Variants in HECW1 observed in about 807,000 individuals in gnomAD.
HECW1 encodes HECT, C2 and WW domain containing E3 ubiquitin protein ligase 1.
HECW1 carries 61 observed loss-of-function variants against 182.3 expected under a neutral mutation model. The observed-to-expected ratio is 0.33, with a 90% confidence interval of 0.27 to 0.41. HECW1 has a LOEUF of 0.41. Ranked by LOEUF, HECW1 falls within the 10% of genes least tolerant of loss-of-function variation. The probability of loss-of-function intolerance (pLI) is 1.00; values close to 1 mark genes in which losing one functional copy is unlikely to be tolerated. For synonymous variants in HECW1, 859 were observed against 832.6 expected, an observed-to-expected ratio of 1.03 and a Z score of -0.55; for missense variants, 1,739 against 2,108.9, an observed-to-expected ratio of 0.82 and a Z score of 3.44.
In HECW1 at chr7:43,296,179, A is replaced by G. The variant is rs180947978; in HGVS notation, c.28-15584A>G. Among the ~76,000 whole-genome samples the G allele has an allele frequency of 7.6e-4, 116 of 152,336 alleles. No homozygotes were observed. In the Middle Eastern group the frequency reaches 0.01, roughly 13 times the overall value. ...ACCATTTAAAAAAGCAGAATACAAA[A>G]ATGTGTGGTCCCAACTATCTTGTAA... On this transcript the variant is annotated intron_variant, in intron 3 of 29. Coordinates refer to ENST00000395891, the MANE Select transcript of HECW1 (RefSeq NM_015052.5).
intron 24 of HECW1, among the ~76,000 whole-genome samples, chr7:43,536,421 T>TG (rs528717235): frequency 2.4e-3 from 364 of 152,210 alleles, no homozygotes; most frequent in African/African-American, 8.3e-3. Context: ...GTGGCTAGAA[T>TG]GGGGAAAAGG....
chr7:43,399,638 G>A (rs1162473553), intron 7 of HECW1, among the ~76,000 whole-genome samples: 1 of 152,102 alleles, frequency 6.6e-6, no homozygotes, highest in African/African-American at 2.4e-5. Flanking sequence ...GAAGACATGG[G>A]CTCACAGACC....
At chr7:43,198,394 A>C (rs1281184184) in intron 2 of HECW1, among the ~76,000 whole-genome samples, 1 of 142,482 alleles carries the variant, frequency 7.0e-6, no homozygotes, top group East Asian at 2.2e-4. Flanking sequence ...ACACACACTC[A>C]TCAGTCACAC....
At chr7:43,346,131 G>C (rs1351949012) in intron 5 of HECW1, among the ~76,000 whole-genome samples, 2 of 151,940 alleles carry the variant, frequency 1.3e-5, no homozygotes, top group African/African-American at 4.8e-5. Context: ...AGTGTTCCCT[G>C]TTCACCACAT....
intron 2 of HECW1, among the ~76,000 whole-genome samples, chr7:43,188,812 A>T (rs1274263345): frequency 6.6e-6 from 1 of 152,234 alleles, no homozygotes; most frequent in Non-Finnish European, 1.5e-5. Flanking sequence ...AACTGGGGAT[A>T]CTTGGCCAAC....
intron 24 of HECW1, among the ~76,000 whole-genome samples, chr7:43,527,779 A>G (rs1398326753): frequency 6.6e-6 from 1 of 152,206 alleles, no homozygotes; most frequent in Non-Finnish European, 1.5e-5. Context: ...AGAATACACC[A>G]GATTTTGATA....
intron 24 of HECW1, among the ~76,000 whole-genome samples, chr7:43,525,758 T>C (rs1440223290): frequency 1.3e-5 from 2 of 152,178 alleles, no homozygotes; most frequent in African/African-American, 4.8e-5. Context: ...GGAATCACTA[T>C]AGACCTCTAG....
intron 19 of HECW1, among the ~76,000 whole-genome samples, chr7:43,496,610 C>T (rs757467437): frequency 5.9e-5 from 9 of 152,180 alleles, no homozygotes; most frequent in Non-Finnish European, 1.2e-4. Flanking sequence ...GGACCCCACC[C>T]AGAAGAACTC....
chr7:43,197,145 A>G (rs190680065), intron 2 of HECW1, among the ~76,000 whole-genome samples: 351 of 152,360 alleles, frequency 2.3e-3, no homozygotes, highest in African/African-American at 8.0e-3. Context: ...GTAATCCAAA[A>G]GAGAATTTAT....
Position 43,342,243 on chromosome 7 carries a change from G to A in HECW1, c.461-18643G>A, listed in dbSNP as rs539455034. On this transcript the variant is annotated intron_variant, in intron 5 of 29. Transcript: ENST00000395891. Reference sequence around the variant, plus strand: ...ACTTAGAGTGGAATCATCAATGTTAGATGCCTCGTCAATGAACATTATTTC... The same window carrying A: ...ACTTAGAGTGGAATCATCAATGTTAAATGCCTCGTCAATGAACATTATTTC... Among the ~76,000 whole-genome samples, 38 of 151,872 alleles carry A rather than the reference G, an allele frequency of 2.5e-4. 1 individual carries two copies. Among genetic ancestry groups the A allele is most frequent in the African/African-American group, 8.7e-4 (36 of 41,186 alleles).
chr7:43,349,596 A>G (rs960545913), intron 5 of HECW1, among the ~76,000 whole-genome samples: 2 of 152,122 alleles, frequency 1.3e-5, no homozygotes, highest in African/African-American at 4.8e-5. Flanking sequence ...AAGGTCTTTT[A>G]CCCTTACATA....
chr7:43,381,544 A>G (rs2074549097), intron 6 of HECW1, among the ~76,000 whole-genome samples: 1 of 148,140 alleles, frequency 6.8e-6, no homozygotes, highest in Non-Finnish European at 1.5e-5. Flanking sequence ...GCTGGAGTGC[A>G]GTGGTGCGAT....
chr7:43,305,086 T>A (rs1016681484), intron 3 of HECW1, among the ~76,000 whole-genome samples: 1 of 152,200 alleles, frequency 6.6e-6, no homozygotes, highest in African/African-American at 2.4e-5. Flanking sequence ...CTGAGCCAGG[T>A]AGACTTTGGA....
intron 3 of HECW1, among the ~76,000 whole-genome samples, chr7:43,289,470 A>G (rs937873227): frequency 6.6e-6 from 1 of 152,196 alleles, no homozygotes; most frequent in African/African-American, 2.4e-5. Flanking sequence ...GTTGGGTTCC[A>G]GACTCTTTAT....
intron 2 of HECW1, among the ~76,000 whole-genome samples, chr7:43,187,402 C>T (rs527258564): frequency 1.3e-5 from 2 of 152,152 alleles, no homozygotes; most frequent in Non-Finnish European, 1.5e-5. Context: ...TTTTGAACCA[C>T]CACATACCAT....
intron 2 of HECW1, among the ~76,000 whole-genome samples, chr7:43,180,978 C>T (rs1378211763): frequency 6.6e-6 from 1 of 152,102 alleles, no homozygotes; most frequent in African/African-American, 2.4e-5. Context: ...AACACATTGG[C>T]CGACCTCTCC....
chr7:43,248,837 A>G (rs1799730676), intron 3 of HECW1: 1 of 151,930 alleles, frequency 6.6e-6, no homozygotes, highest in African/African-American at 2.4e-5. Flanking sequence ...CTCTATTGCA[A>G]CAGCTACCAA....
At chr7:43,363,715 G>A (rs36014678) in intron 6 of HECW1, among the ~76,000 whole-genome samples, 21,763 of 152,172 alleles carry the variant, frequency 0.14, 1,890 homozygotes, top group African/African-American at 0.24. Flanking sequence ...AGGAGCCACT[G>A]GGAGGAGCCC....
chr7:43,163,363 A>C (rs2152659129), intron 2 of HECW1, among the ~76,000 whole-genome samples: 1 of 152,282 alleles, frequency 6.6e-6, no homozygotes, highest in East Asian at 1.9e-4. Flanking sequence ...ACACACATAC[A>C]CACCCCCACT....
Sources: allele counts gnomAD v4.1 joint callset (sites outside exome capture counted in the v4.1 genomes callset), GRCh38; gene constraint gnomAD v4.1.1; transcripts MANE v1.5; gene names NCBI Gene and HGNC (gene_info 2026-07-23, HGNC 2026-07-21).